Variants in KCNMA1 observed in about 807,000 individuals in gnomAD.
KCNMA1 encodes Calcium-activated potassium channel subunit alpha-1.
Under a neutral mutation model 140.0 loss-of-function variants are expected in KCNMA1, and 29 were observed. The ratio of observed to expected loss-of-function variants is 0.21; its 90% CI spans 0.15 to 0.28. The LOEUF (loss-of-function observed/expected upper bound fraction) is 0.28, where lower values mean the gene tolerates loss of function less well. Among genes scored for constraint, KCNMA1 ranks in the 10% least tolerant of loss-of-function variants. The pLI is 1.00. For synonymous variants in KCNMA1, 612 were observed against 611.9 expected (o/e 1.00, Z 0.00); for missense variants, 880 against 1,602.2 (o/e 0.55, Z 7.70).
At chr10:77,499,860 G>A (rs1168703541) in intron 1 of KCNMA1, among the ~76,000 whole-genome samples, 1 of 152,166 alleles carries the variant, frequency 6.6e-6, no homozygotes, top group Non-Finnish European at 1.5e-5. Flanking sequence ...TTTATTGGAA[G>A]AGAAGATAAA....
chr10:77,122,090 G>A (rs150554768), intron 5 of KCNMA1, among the ~76,000 whole-genome samples: 58 of 152,298 alleles, frequency 3.8e-4, no homozygotes, highest in African/African-American at 1.3e-3. Flanking sequence ...GTTCTCCCAC[G>A]CCCGTGAGCC....
intron 3 of KCNMA1, among the ~76,000 whole-genome samples, chr10:77,244,515 G>A (rs1436353612): frequency 6.6e-6 from 1 of 152,182 alleles, no homozygotes; most frequent in East Asian, 1.9e-4. Flanking sequence ...AATGTGGAAG[G>A]GAGAAGGAGG....
chr10:77,073,709 T>C (rs1305523663), intron 13 of KCNMA1, among the ~76,000 whole-genome samples: 3 of 152,206 alleles, frequency 2.0e-5, no homozygotes, highest in Admixed American at 6.5e-5. Context: ...CTGTACAGTT[T>C]CTGAAAACAC....
chr10:77,396,312 G>C (rs1474042397), intron 2 of KCNMA1, among the ~76,000 whole-genome samples: 1 of 152,138 alleles, frequency 6.6e-6, no homozygotes, highest in East Asian at 1.9e-4. Context: ...CATAGATGAG[G>C]GGGGTGAGAG....
At chr10:77,014,548 A>G (rs1341069510) in intron 17 of KCNMA1, among the ~76,000 whole-genome samples, 1 of 152,166 alleles carries the variant, frequency 6.6e-6, no homozygotes, top group Non-Finnish European at 1.5e-5. Context: ...TGTCTAACTG[A>G]AATTTCATGT....
chr10:77,221,748 A>C (rs1361417418), intron 3 of KCNMA1, among the ~76,000 whole-genome samples: 1 of 152,196 alleles, frequency 6.6e-6, no homozygotes, highest in Non-Finnish European at 1.5e-5. Context: ...CCCACCCAAG[A>C]GGTCCAATTT....
intron 1 of KCNMA1, among the ~76,000 whole-genome samples, chr10:77,533,126 G>A (rs867222794): frequency 2.0e-5 from 3 of 152,154 alleles, no homozygotes; most frequent in East Asian, 1.9e-4. Context: ...ATGAACACTC[G>A]TGCATTCAAC....
intron 3 of KCNMA1, among the ~76,000 whole-genome samples, chr10:77,208,013 G>T (rs1598751237): frequency 6.6e-6 from 1 of 152,290 alleles, no homozygotes; most frequent in East Asian, 1.9e-4. Flanking sequence ...CACTTCTTTT[G>T]TCCTCATTTG....
chr10:76,921,201 C>T (rs1040036933), intron 23 of KCNMA1, among the ~76,000 whole-genome samples: 1 of 152,020 alleles, frequency 6.6e-6, no homozygotes, highest in East Asian at 1.9e-4. Flanking sequence ...CCATATGCTA[C>T]GTTAAACTAG....
intron 8 of KCNMA1, among the ~76,000 whole-genome samples, chr10:77,109,838 T>C (rs926258482): frequency 1.3e-5 from 2 of 152,206 alleles, no homozygotes; most frequent in Non-Finnish European, 2.9e-5. Context: ...TGACAGCCAC[T>C]GTCCTTGTAG....
intron 2 of KCNMA1, among the ~76,000 whole-genome samples, chr10:77,253,072 C>A (rs375425097): frequency 6.6e-6 from 1 of 152,186 alleles, no homozygotes; most frequent in African/African-American, 2.4e-5. Context: ...TCGCTTTTTC[C>A]TCTATTATCT....
intron 16 of KCNMA1, among the ~76,000 whole-genome samples, chr10:77,025,281 T>TATATATACATATAC (rs1394239548): frequency 3.3e-5 from 4 of 122,322 alleles, no homozygotes; most frequent in Admixed American, 8.5e-5. Flanking sequence ...TATATATATA[T>TATATATACATATAC]ACACACACAC....
At chr10:77,547,735 A>G (rs1420397980) in intron 1 of KCNMA1, among the ~76,000 whole-genome samples, 1 of 152,264 alleles carries the variant, frequency 6.6e-6, no homozygotes, top group Non-Finnish European at 1.5e-5. Flanking sequence ...CTCTTGGATT[A>G]TCTGACTCAA....
At chr10:77,117,496 C>G (rs1388087795) in intron 6 of KCNMA1, among the ~76,000 whole-genome samples, 1 of 118,894 alleles carries the variant, frequency 8.4e-6, no homozygotes, top group African/African-American at 3.2e-5. Context: ...TTGCAGTGAG[C>G]TGAGATCACG....
At chr10:76,973,334 C>T (rs1179575919) in intron 19 of KCNMA1, 1 of 152,554 alleles carries the variant, frequency 6.6e-6, no homozygotes, top group Non-Finnish European at 1.5e-5. Context: ...TTGCACATCC[C>T]TAAGTATAAC....
At chr10:77,338,908 T>C (rs1337923788) in intron 2 of KCNMA1, among the ~76,000 whole-genome samples, 1 of 152,170 alleles carries the variant, frequency 6.6e-6, no homozygotes, top group East Asian at 1.9e-4. Flanking sequence ...ACAAGACAGT[T>C]TGACAAAGTG....
chr10:76,953,918 G>A lies in KCNMA1; in HGVS notation c.2367C>T (p.Asp789=), dbSNP rs587780363. 6.8e-6 allele frequency: 11 copies of A among 1,613,952 alleles called. No individual in the cohort carries two copies. Among genetic ancestry groups the A allele is most frequent in the Non-Finnish European group, 9.3e-6 (11 of 1,179,950 alleles). The part of the protein sequence containing the change: ...PNTSPKLMRH[D]PLLIPGNDQI... ...GATCATTGCCAGGAATTAACAAGGG[G>A]TCATGCCTGGGAAGAAAAGGACAGG... Residue 789 remains aspartate (D), a synonymous_variant, in exon 21 of 28, where the codon GAC becomes GAT. Coordinates refer to ENST00000286628, the MANE Select transcript of KCNMA1 (RefSeq NM_001161352.2).
chr10:77,256,112 C>G (rs2060690652), intron 2 of KCNMA1, among the ~76,000 whole-genome samples: 1 of 152,076 alleles, frequency 6.6e-6, no homozygotes, highest in Non-Finnish European at 1.5e-5. Context: ...ATAGACTATT[C>G]CCCCTCAGGT....
At chr10:77,163,207 T>TA (rs898954208) in intron 5 of KCNMA1, among the ~76,000 whole-genome samples, 33 of 152,156 alleles carry the variant, frequency 2.2e-4, no homozygotes, top group African/African-American at 7.5e-4. Flanking sequence ...TTAAAACAGC[T>TA]AAAAAAATTA....
Sources: gnomAD v4.1 joint callset for allele counts (sites outside exome capture counted in the v4.1 genomes callset) on GRCh38, gnomAD v4.1.1 for gene constraint, MANE v1.5 for transcripts, NCBI Gene and HGNC (gene_info 2026-07-23, HGNC 2026-07-21) for gene names.